The following SNX18 variants were observed in gnomAD, a reference collection of about 807,000 sequenced individuals.
SNX18 encodes sorting nexin 18, also known as sorting nexin-18.
In SNX18, 35 loss-of-function variants were observed where a neutral mutation model predicts 48.7. The observed-to-expected ratio is 0.72, with a 90% CI of 0.55 to 0.95. SNX18 has a LOEUF of 0.95. Ranked by LOEUF, SNX18 falls within the 40% of genes least tolerant of loss-of-function variation. SNX18 has a pLI of 0.00. For synonymous variants in SNX18, 492 were observed against 384.7 expected (o/e 1.28, Z -3.26); for missense variants, 824 against 871.0 (o/e 0.95, Z 0.68).
chr5:54,565,127 T>G, the SNX18 span, among the ~76,000 whole-genome samples: 1 of 152,162 alleles, frequency 6.6e-6, no homozygotes, highest in Non-Finnish European at 1.5e-5. Context: ...TCCAGGATAA[T>G]CTCATTTCAA....
the SNX18 span, among the ~76,000 whole-genome samples, chr5:54,637,986 G>GGAGAGAGA: frequency 0.15 from 22,129 of 149,236 alleles, 1,934 homozygotes; most frequent in Middle Eastern, 0.2. Flanking sequence ...CTGCTGGACT[G>GGAGAGAGA]GAGAGAGAGA....
At chr5:54,560,363 G>C in the SNX18 span, among the ~76,000 whole-genome samples, 1 of 152,000 alleles carries the variant, frequency 6.6e-6, no homozygotes, top group Non-Finnish European at 1.5e-5. Context: ...CTTAGCAAAC[G>C]AATATAGGAA....
chr5:54,626,923 T>C, the SNX18 span, among the ~76,000 whole-genome samples: 1 of 152,214 alleles, frequency 6.6e-6, no homozygotes, highest in Non-Finnish European at 1.5e-5. Flanking sequence ...TGGAGGAGAA[T>C]CTGTTGTCAT....
chr5:54,640,178 G>T, the SNX18 span, among the ~76,000 whole-genome samples: 3 of 151,664 alleles, frequency 2.0e-5, no homozygotes, highest in Admixed American at 6.6e-5. Flanking sequence ...TGACATGGGG[G>T]AATAAAGTTC....
intron 1 of SNX18, among the ~76,000 whole-genome samples, chr5:54,540,387 T>C (rs1762445250): frequency 1.3e-5 from 2 of 152,054 alleles, no homozygotes; most frequent in African/African-American, 4.8e-5. Context: ...GGCTAATTTT[T>C]TGTATTTTTC....
At chr5:54,611,918 T>C in the SNX18 span, among the ~76,000 whole-genome samples, 1 of 151,622 alleles carries the variant, frequency 6.6e-6, no homozygotes, top group South Asian at 2.1e-4. Context: ...TGTTCTGTAC[T>C]CCAGGCTGGA....
the SNX18 span, among the ~76,000 whole-genome samples, chr5:54,558,556 A>C: frequency 3.9e-5 from 6 of 152,198 alleles, no homozygotes; most frequent in Non-Finnish European, 8.8e-5. Context: ...GAAATGCTCC[A>C]CCTGTTCCTC....
chr5:54,579,132 G>C, the SNX18 span, among the ~76,000 whole-genome samples: 1 of 152,128 alleles, frequency 6.6e-6, no homozygotes, highest in East Asian at 1.9e-4. Flanking sequence ...TTGAGCCCAG[G>C]AGTTTCTAGA....
chr5:54,582,385 G>T, the SNX18 span, among the ~76,000 whole-genome samples: 1 of 152,104 alleles, frequency 6.6e-6, no homozygotes. Context: ...GACTAGAAAA[G>T]CTCATGATGC....
chr5:54,643,985 C>T, the SNX18 span: 2 of 152,198 alleles, frequency 1.3e-5, no homozygotes, highest in African/African-American at 4.8e-5. Flanking sequence ...CACTGTTACT[C>T]AAGGAATGAA....
downstream of SNX18, among the ~76,000 whole-genome samples, chr5:54,548,770 C>A (rs936893890): frequency 6.6e-6 from 1 of 152,118 alleles, no homozygotes; most frequent in Non-Finnish European, 1.5e-5. Context: ...AGTCACTTAA[C>A]GTGAGTCAGT....
At chr5:54,603,498 C>T in the SNX18 span, among the ~76,000 whole-genome samples, 1 of 152,102 alleles carries the variant, frequency 6.6e-6, no homozygotes, top group Non-Finnish European at 1.5e-5. Context: ...GACTCAAATC[C>T]TGGTTATGTT....
the SNX18 span, among the ~76,000 whole-genome samples, chr5:54,618,581 T>C: frequency 6.6e-6 from 1 of 152,152 alleles, no homozygotes; most frequent in Non-Finnish European, 1.5e-5. Flanking sequence ...GAGAATGAAA[T>C]AAAATAACAT....
chr5:54,591,634 T>A, the SNX18 span, among the ~76,000 whole-genome samples: 1 of 152,266 alleles, frequency 6.6e-6, no homozygotes, highest in South Asian at 2.1e-4. Flanking sequence ...GTCACTAATG[T>A]TCTCCTTTAC....
chr5:54,519,697 AC>A, intron 1 of SNX18, 124 bp downstream of exon 1: 1 of 1,614,158 alleles, frequency 6.2e-7, no homozygotes, highest in African/African-American at 1.3e-5. Flanking sequence ...GCGAGCAGAG[AC>A]GTGGACGCCT....
rs1761909531 is a variant in SNX18 at position 54,518,159 on chromosome 5, C to CGGCGGCCCG, written c.212_220dup (p.Gly71_Gly73dup). The CGGCGGCCCG allele has an allele frequency of 7.2e-7, 1 of 1,389,824 alleles. No individual in the cohort carries two copies. Among genetic ancestry groups the CGGCGGCCCG allele is most frequent in the Non-Finnish European group, 9.3e-7 (1 of 1,078,894 alleles). The allele number at this position is 1,389,824 out of a possible 1,614,324, so 86.1% of individuals were successfully genotyped here. A position where few individuals can be genotyped will look rare whatever the true frequency, so the allele number is the denominator to read the frequency against. On this transcript the variant is annotated inframe_insertion, in exon 1 of 2. Transcript: ENST00000381410. ...CCCCCGAGCCTGGCCCGGCGGGAGA[C>CGGCGGCCCG]GGCGGCCCGGGCGCCCCGGCCCGCT...
At position 54,544,460 on chromosome 5, in the gene SNX18, C is replaced by CT. The variant is rs1211433879; in HGVS notation, c.*1030dup. The CT allele has an allele frequency of 1.2e-4, 19 of 152,084 alleles. No individual in the cohort carries two copies. Among genetic ancestry groups the CT allele is most frequent in the African/African-American group, 4.3e-4 (18 of 41,514 alleles). The allele number at this position is 152,084 out of a possible 1,614,324, so 9.4% of individuals were successfully genotyped here. ...CTGATTGAGACTCCACTGTGATTCA[C>CT]TTGTTTACTTAAAAACTTTTCAGGG... On this transcript the variant is annotated 3_prime_UTR_variant, in exon 2 of 2. Transcript: ENST00000381410.
chr5:54,632,060 C>T, the SNX18 span, among the ~76,000 whole-genome samples: 1 of 152,196 alleles, frequency 6.6e-6, no homozygotes, highest in Non-Finnish European at 1.5e-5. Context: ...TCCTTGCCCC[C>T]ACCAGCAGTC....
the SNX18 span, among the ~76,000 whole-genome samples, chr5:54,616,191 C>T: frequency 1.3e-5 from 2 of 152,166 alleles, no homozygotes; most frequent in Non-Finnish European, 2.9e-5. Flanking sequence ...TGGCCAGTGG[C>T]TTGCTTTGTT....
Sources: allele counts gnomAD v4.1 joint callset (sites outside exome capture counted in the v4.1 genomes callset), GRCh38; gene constraint gnomAD v4.1.1; transcripts MANE v1.5; gene names NCBI Gene and HGNC (gene_info 2026-07-23, HGNC 2026-07-21).